The following ARL11 variants were observed in gnomAD, a reference collection of about 807,000 sequenced individuals.
ARL11 encodes the protein ARF like GTPase 11.
For synonymous variants in ARL11, 91 were observed against 111.2 expected, an observed-to-expected ratio of 0.82 and a Z score of 1.15; for missense variants, 239 against 250.6, an observed-to-expected ratio of 0.95 and a Z score of 0.31.
rs770655477 is a variant in ARL11 at position 49,630,844 on chromosome 13, C to T, written c.397C>T (p.Leu133Phe). The T allele has an allele frequency of 3.1e-6, 5 of 1,601,712 alleles. No homozygotes were observed. Among genetic ancestry groups the T allele is most frequent in the Non-Finnish European group, 2.6e-6 (3 of 1,171,918 alleles). ...GGAGGCACCTGATGCACTTCCGCTG[C>T]TTAAGATCAGAAACAGGCTGAGTCT... ...KQEAPDALPL[L>F]KIRNRLSLER... The change falls in exon 2 of 2, where the codon CTT becomes TTT. Residue 133 changes from leucine (L) to phenylalanine (F), a missense_variant. Coordinates refer to ENST00000282026, the MANE Select transcript of ARL11 (RefSeq NM_138450.6).
intron 1 of ARL11, among the ~76,000 whole-genome samples, 156 bp downstream of exon 1, chr13:49,628,771 C>T (rs148392658): frequency 1.3e-5 from 2 of 152,260 alleles, no homozygotes; most frequent in African/African-American, 2.4e-5. Context: ...GGGAACAGGT[C>T]TTATGTCTTA....
chr13:49,630,253 G>C (rs1475405859), intron 1 of ARL11, among the ~76,000 whole-genome samples, 177 bp from the exon 2 acceptor site: 2 of 152,180 alleles, frequency 1.3e-5, no homozygotes, highest in Non-Finnish European at 2.9e-5. Flanking sequence ...AATTTTTGTA[G>C]AGAAGGCGGG....
rs575202695 is a variant in ARL11, at chr13:49,629,261, TCAAAA to T, written c.-19+672_-19+676del. Among the ~76,000 whole-genome samples, 65 of 152,060 alleles carry T rather than the reference TCAAAA, an allele frequency of 4.3e-4. No individual in the cohort carries two copies. In the Middle Eastern group the frequency reaches 0.01, roughly 24 times the overall value. On this transcript the variant is annotated intron_variant, in intron 1 of 1. Coordinates refer to ENST00000282026, the MANE Select transcript of ARL11 (RefSeq NM_138450.6). Reference sequence around the variant, plus strand: ...CTGGGCGACAGAGTGAGACCCTGTCTCAAAACAAAACAAAACAAAACAAAACAAAA... The same window carrying T: ...CTGGGCGACAGAGTGAGACCCTGTCTCAAAACAAAACAAAACAAAACAAAA...
chr13:49,629,383 C>T (rs1231426498), intron 1 of ARL11, among the ~76,000 whole-genome samples: 1 of 152,212 alleles, frequency 6.6e-6, no homozygotes, highest in East Asian at 1.9e-4. Context: ...TGCTCTGACT[C>T]ATAAATTTGC....
chr13:49,632,023 C>G lies in ARL11; in HGVS notation c.*985C>G, dbSNP rs1026559407. On this transcript the variant is annotated 3_prime_UTR_variant, in exon 2 of 2. Transcript: ENST00000282026. ...TAGACGTTCCCTGCCCTGGGACGCT[C>G]ACCCCTGGGCAAGAGGCTGGAAGTT... is the stretch of plus-strand genomic sequence containing the variant. 1.2e-5 allele frequency: 2 copies of G among 167,032 alleles called. No homozygotes were observed. The highest frequency in any genetic ancestry group is 2.9e-5 in the Non-Finnish European group (2 of 68,124). The allele number at this position is 167,032 out of a possible 1,614,324, so 10.3% of individuals were successfully genotyped here. A position where few individuals can be genotyped will look rare whatever the true frequency, so the allele number is the denominator to read the frequency against.
Position 49,632,393 on chromosome 13 carries a change from G to A in ARL11, c.*1355G>A, listed in dbSNP as rs1465452214. The A allele has an allele frequency of 1.2e-5, 2 of 166,996 alleles. No individual in the cohort carries two copies. The highest frequency in any genetic ancestry group is 4.8e-5 in the African/African-American group (2 of 41,442). The allele number at this position is 166,996 out of a possible 1,614,324, so 10.3% of individuals were successfully genotyped here. A position where few individuals can be genotyped will look rare whatever the true frequency, so the allele number is the denominator to read the frequency against. ...ACAGGGAAAAGGAAGGTTGACCATA[G>A]CATCCTAGAAGGCTCATCAGGTGAT... On this transcript the variant is annotated 3_prime_UTR_variant, in exon 2 of 2. Coordinates refer to ENST00000282026, the MANE Select transcript of ARL11 (RefSeq NM_138450.6).
chr13:49,630,867 T>A lies in ARL11; in HGVS notation c.420T>A (p.Ser140Arg). ...TGCTTAAGATCAGAAACAGGCTGAGTCTAGAGAGATTCCAGGACCACTGCT... is the reference window on the plus strand; with the variant it reads ...TGCTTAAGATCAGAAACAGGCTGAGACTAGAGAGATTCCAGGACCACTGCT... ...LPLLKIRNRL[S>R]LERFQDHCWE... The change falls in exon 2 of 2, where the codon AGT becomes AGA. Residue 140 changes from serine to arginine, a missense_variant. By Grantham distance (110) the Ser-to-Arg change is moderately radical. Transcript: ENST00000282026. The A allele has an allele frequency of 6.3e-7, 1 of 1,593,142 alleles. No individual in the cohort carries two copies. Among genetic ancestry groups the A allele is most frequent in the Middle Eastern group, 1.7e-4 (1 of 5,972 alleles).
rs1289388511 is a variant in ARL11 at position 49,633,395 on chromosome 13, A to C, written c.*2357A>C. 2 of 167,108 alleles carry C rather than the reference A, an allele frequency of 1.2e-5. No individual in the cohort carries two copies. Among genetic ancestry groups the C allele is most frequent in the African/African-American group, 4.8e-5 (2 of 41,464 alleles). 10.4% of individuals were successfully genotyped at this position (167,108 alleles called of 1,614,324 possible). A position where few individuals can be genotyped will look rare whatever the true frequency, so the allele number is the denominator to read the frequency against. On this transcript the variant is annotated 3_prime_UTR_variant, in exon 2 of 2. Transcript: ENST00000282026. ...CATCACGATAGAAAACAAAACTGGA[A>C]TGGGAGTTTAGGTCCAATTTGGGCA...
rs769830175 is a variant in ARL11 at position 49,630,666 on chromosome 13, C to T, written c.219C>T (p.Ser73=). The T allele has an allele frequency of 1.9e-6, 3 of 1,614,176 alleles. No homozygotes were observed. The highest frequency in any genetic ancestry group is 2.5e-6 in the Non-Finnish European group (3 of 1,180,042). ...DVGGQAPLRA[S]WKDYLEGTDI... is the part of the protein sequence containing the mutation. ...GGGGGCAGGCCCCGCTCAGAGCCAG[C>T]TGGAAGGACTATCTGGAAGGCACAG... Residue 73 remains serine, a synonymous_variant, in exon 2 of 2, where the codon AGC becomes AGT. Coordinates refer to ENST00000282026, the MANE Select transcript of ARL11 (RefSeq NM_138450.6).
chr13:49,630,925 G>C lies in ARL11; in HGVS notation c.478G>C (p.Glu160Gln). 6.2e-7 allele frequency: 1 copy of C among 1,602,098 alleles called. No homozygotes were observed. Among genetic ancestry groups the C allele is most frequent in the Non-Finnish European group, 8.5e-7 (1 of 1,172,362 alleles). Residue 160 changes from glutamate (E) to glutamine (Q), a missense_variant, in exon 2 of 2, where the codon GAG becomes CAG. By Grantham distance (29) the Glu-to-Gln change is conservative. Transcript: ENST00000282026. ...ELRGCSALTG[E>Q]GLPEALQSLW... ...CCGGGGCTGCAGTGCCCTCACTGGG[G>C]AGGGGCTGCCCGAGGCCCTGCAGAG...
In ARL11 at chr13:49,633,445, G is replaced by C. The variant is rs1234818809; in HGVS notation, c.*2407G>C. 1.2e-5 allele frequency: 2 copies of C among 167,074 alleles called. No homozygotes were observed. The highest frequency in any genetic ancestry group is 6.5e-5 in the Admixed American group (1 of 15,280). 10.3% of individuals were successfully genotyped at this position (167,074 alleles called of 1,614,324 possible). ...AAGGTTGTTTGAATTTCAATAATCA[G>C]GGGTTTGGGTCAAGGAAGAAAAATC... On this transcript the variant is annotated 3_prime_UTR_variant, in exon 2 of 2. Coordinates refer to ENST00000282026, the MANE Select transcript of ARL11 (RefSeq NM_138450.6).
rs1305564627 is a variant in ARL11, at chr13:49,632,869, AATGAG to A, written c.*1834_*1838del. On this transcript the variant is annotated 3_prime_UTR_variant, in exon 2 of 2. Coordinates refer to ENST00000282026, the MANE Select transcript of ARL11 (RefSeq NM_138450.6). ...GTTAGACACTAGGGATGCAAAGATG[AATGAG>A]ATAAGGCCTCAGGCCTCATGGAAGG... The A allele has an allele frequency of 7.2e-5, 12 of 167,098 alleles. No homozygotes were observed. The highest frequency in any genetic ancestry group is 1.5e-5 in the Non-Finnish European group (1 of 68,120). The allele number at this position is 167,098 out of a possible 1,614,324, so 10.4% of individuals were successfully genotyped here. A position where few individuals can be genotyped will look rare whatever the true frequency, so the allele number is the denominator to read the frequency against.
intron 1 of ARL11, among the ~76,000 whole-genome samples, chr13:49,629,864 C>T (rs971407610): frequency 2.6e-5 from 4 of 152,242 alleles, no homozygotes; most frequent in African/African-American, 9.6e-5. Context: ...ATCCTTCTCA[C>T]TCTGTGCATG....
At position 49,630,947 on chromosome 13, in the gene ARL11, AGAGCCTGTG is replaced by A; in HGVS notation, c.507_515del (p.Trp170_Leu172del). On this transcript the variant is annotated inframe_deletion, in exon 2 of 2. Coordinates refer to ENST00000282026, the MANE Select transcript of ARL11 (RefSeq NM_138450.6). The stretch of plus-strand genomic sequence containing the variant: ...GGGGAGGGGCTGCCCGAGGCCCTGC[AGAGCCTGTG>A]GAGCCTCCTGAAATCTCGCAGCTGC... 6.2e-7 allele frequency: 1 copy of A among 1,609,180 alleles called. No homozygotes were observed. The highest frequency in any genetic ancestry group is 8.5e-7 in the Non-Finnish European group (1 of 1,177,118).
At position 49,630,772 on chromosome 13, in the gene ARL11, G is replaced by A. The variant is rs753334860; in HGVS notation, c.325G>A (p.Asp109Asn). Residue 109 changes from aspartate to asparagine, a missense_variant, in exon 2 of 2, where the codon GAC (aspartate) becomes AAC (asparagine). Transcript: ENST00000282026. ...SAAELTEVLN[D>N]PNMAGVPFLV... is the part of the protein sequence containing the mutation. Reference sequence around the variant, plus strand: ...GGCTGAGCTCACAGAAGTCCTGAACGACCCCAACATGGCTGGCGTCCCCTT... The same window carrying A: ...GGCTGAGCTCACAGAAGTCCTGAACAACCCCAACATGGCTGGCGTCCCCTT... 5.0e-6 allele frequency: 8 copies of A among 1,613,630 alleles called. No homozygotes were observed. Among genetic ancestry groups the A allele is most frequent in the Non-Finnish European group, 6.8e-6 (8 of 1,179,756 alleles).
rs1964896449 is a variant in ARL11 at position 49,632,348 on chromosome 13, T to A, written c.*1310T>A. 6.0e-6 allele frequency: 1 copy of A among 167,086 alleles called. No individual in the cohort carries two copies. The highest frequency in any genetic ancestry group is 1.5e-5 in the Non-Finnish European group (1 of 68,122). The allele number at this position is 167,086 out of a possible 1,614,324, so 10.4% of individuals were successfully genotyped here. A position where few individuals can be genotyped will look rare whatever the true frequency, so the allele number is the denominator to read the frequency against. Reference sequence around the variant, plus strand: ...TGAAGATACAGATGACAGTGACGAATGCCTTCTGTCTCATGATTGACAGGG... The same window carrying A: ...TGAAGATACAGATGACAGTGACGAAAGCCTTCTGTCTCATGATTGACAGGG... On this transcript the variant is annotated 3_prime_UTR_variant, in exon 2 of 2. Transcript: ENST00000282026.
Sources: allele counts gnomAD v4.1 joint callset (sites outside exome capture counted in the v4.1 genomes callset), GRCh38; gene constraint gnomAD v4.1.1; transcripts MANE v1.5; gene names NCBI Gene and HGNC (gene_info 2026-07-23, HGNC 2026-07-21).